CIMIP7: variants seen among roughly 807,000 people sequenced by gnomAD.
CIMIP7 encodes the protein uncharacterized protein C3orf84.
At chr3:49,178,528 T>A in the CIMIP7 span, 78 of 1,613,576 alleles carry the variant, frequency 4.8e-5, no homozygotes, top group African/African-American at 9.3e-4. Context: ...GAAGTGTCGC[T>A]GCGCCGGCTC....
At chr3:49,185,197 G>A in the CIMIP7 span, among the ~76,000 whole-genome samples, 3 of 151,280 alleles carry the variant, frequency 2.0e-5, no homozygotes, top group East Asian at 5.9e-4. Context: ...GGAGGCAGAG[G>A]TTGTGGTGAG....
chr3:49,186,396 C>T, the CIMIP7 span, among the ~76,000 whole-genome samples: 2 of 151,536 alleles, frequency 1.3e-5, no homozygotes, highest in Non-Finnish European at 2.9e-5. Context: ...TGCCACCACA[C>T]CTGGCTAATT....
At chr3:49,182,608 G>T in the CIMIP7 span, among the ~76,000 whole-genome samples, 2 of 152,364 alleles carry the variant, frequency 1.3e-5, no homozygotes, top group East Asian at 3.9e-4. Flanking sequence ...TTCACCCAGT[G>T]GATCCCGCAC....
chr3:49,191,584 A>T, the CIMIP7 span: 1 of 780,794 alleles, frequency 1.3e-6, no homozygotes, highest in Non-Finnish European at 2.2e-6. Flanking sequence ...GGCAGCCTCC[A>T]GGGGTGACCT....
the CIMIP7 span, among the ~76,000 whole-genome samples, chr3:49,184,626 ATTT>A: frequency 9.7e-5 from 13 of 133,592 alleles, no homozygotes; most frequent in Admixed American, 1.5e-4. Flanking sequence ...GGCCTATGTA[ATTT>A]TTTTTTTTTT....
At chr3:49,181,129 G>A in the CIMIP7 span, among the ~76,000 whole-genome samples, 1 of 151,674 alleles carries the variant, frequency 6.6e-6, no homozygotes, top group Non-Finnish European at 1.5e-5. Flanking sequence ...ATCACTTGAA[G>A]CCAGGAATTC....
chr3:49,187,022 C>CT, the CIMIP7 span, among the ~76,000 whole-genome samples: 3 of 152,198 alleles, frequency 2.0e-5, no homozygotes, highest in Non-Finnish European at 4.4e-5. Context: ...CTATCCTCAG[C>CT]TACTGAATTA....
chr3:49,181,415 C>T, the CIMIP7 span, among the ~76,000 whole-genome samples: 1 of 151,274 alleles, frequency 6.6e-6, no homozygotes, highest in Non-Finnish European at 1.5e-5. Flanking sequence ...CTTTGAGAGG[C>T]CAAGGAGGAA....
At chr3:49,188,643 G>T in the CIMIP7 span, among the ~76,000 whole-genome samples, 4 of 151,948 alleles carry the variant, frequency 2.6e-5, no homozygotes, top group African/African-American at 9.7e-5. Context: ...TCCCCCTTTG[G>T]GCTCAGTAGT....
the CIMIP7 span, among the ~76,000 whole-genome samples, chr3:49,187,383 GT>G: frequency 6.6e-6 from 1 of 152,158 alleles, no homozygotes; most frequent in Non-Finnish European, 1.5e-5. Flanking sequence ...GTATTTGCAT[GT>G]GGGAGGGCTA....
chr3:49,178,386 C>T, the CIMIP7 span: 5 of 1,146,574 alleles, frequency 4.4e-6, no homozygotes, highest in Non-Finnish European at 6.5e-6. Context: ...AGGAGCCCTC[C>T]CTCAGTGTCA....
the CIMIP7 span, among the ~76,000 whole-genome samples, chr3:49,183,076 C>T: frequency 6.6e-6 from 1 of 152,198 alleles, no homozygotes; most frequent in South Asian, 2.1e-4. Flanking sequence ...AGCGCAGCGG[C>T]GGGCTGAAGG....
chr3:49,178,937 A>G, the CIMIP7 span, among the ~76,000 whole-genome samples: 4 of 152,098 alleles, frequency 2.6e-5, no homozygotes, highest in Admixed American at 2.0e-4. Context: ...TCTTGGCTCT[A>G]AATGCCATCT....
the CIMIP7 span, among the ~76,000 whole-genome samples, chr3:49,184,626 ATTTTTTTT>A: frequency 7.5e-6 from 1 of 133,644 alleles, no homozygotes; most frequent in Non-Finnish European, 1.6e-5. Context: ...GGCCTATGTA[ATTTTTTTT>A]TTTTTTTTTT....
chr3:49,188,329 A>G, the CIMIP7 span, among the ~76,000 whole-genome samples: 1 of 152,216 alleles, frequency 6.6e-6, no homozygotes, highest in African/African-American at 2.4e-5. Flanking sequence ...GGAAGCAAGA[A>G]GGTGCAGTGG....
At chr3:49,184,677 G>A in the CIMIP7 span, among the ~76,000 whole-genome samples, 2 of 145,792 alleles carry the variant, frequency 1.4e-5, no homozygotes, top group Non-Finnish European at 3.0e-5. Context: ...TACCTAGGCC[G>A]GAGTGCAGTG....
At chr3:49,182,291 G>C in the CIMIP7 span, among the ~76,000 whole-genome samples, 1 of 152,208 alleles carries the variant, frequency 6.6e-6, no homozygotes, top group Non-Finnish European at 1.5e-5. Context: ...GAGCCCAGTA[G>C]TCTGTTTTGA....
At chr3:49,177,757 G>GGC in the CIMIP7 span, 12 of 1,609,236 alleles carry the variant, frequency 7.5e-6, no homozygotes, top group Non-Finnish European at 1.0e-5. Context: ...GTCAGTGACC[G>GGC]GCGCCTGGGG....
chr3:49,190,144 A>G, the CIMIP7 span: 89 of 1,587,262 alleles, frequency 5.6e-5, no homozygotes, highest in East Asian at 2.0e-3. Context: ...TTGTGCTATA[A>G]CAAGACAGGA....
Sources: gnomAD v4.1 joint callset for allele counts (sites outside exome capture counted in the v4.1 genomes callset) on GRCh38, gnomAD v4.1.1 for gene constraint, MANE v1.5 for transcripts, NCBI Gene and HGNC (gene_info 2026-07-23, HGNC 2026-07-21) for gene names.